The following CRTC1 variants were observed in gnomAD, a reference collection of about 807,000 sequenced individuals.
The protein encoded by CRTC1 is CREB-regulated transcription coactivator 1.
A neutral mutation model predicts 66.1 loss-of-function variants in CRTC1; 18 were observed. The observed-to-expected ratio is 0.27, with a 90% CI of 0.19 to 0.40. CRTC1 has a LOEUF of 0.40. CRTC1 is among the 10% of genes least tolerant of loss of function. The pLI is 1.00. For synonymous variants in CRTC1, 416 were observed against 398.8 expected (o/e 1.04, Z -0.51); for missense variants, 669 against 887.9 (o/e 0.75, Z 3.13).
At chr19:18,693,233 A>G (rs2052893468) in intron 1 of CRTC1, among the ~76,000 whole-genome samples, 1 of 151,730 alleles carries the variant, frequency 6.6e-6, no homozygotes, top group Non-Finnish European at 1.5e-5. Context: ...TACTAAAAAT[A>G]CAAAAATTAG....
At chr19:18,751,813 G>A (rs760099606) in intron 5 of CRTC1, among the ~76,000 whole-genome samples, 1 of 152,156 alleles carries the variant, frequency 6.6e-6, no homozygotes, top group Non-Finnish European at 1.5e-5. Context: ...CAGCCACTGG[G>A]TGTCAGCAGC....
At chr19:18,758,222 T>C (rs1444075581) in intron 6 of CRTC1, among the ~76,000 whole-genome samples, 1 of 150,642 alleles carries the variant, frequency 6.6e-6, no homozygotes, top group African/African-American at 2.4e-5. Context: ...TAGCCGGGCT[T>C]GGTGGCGGGC....
intron 6 of CRTC1, among the ~76,000 whole-genome samples, chr19:18,755,856 C>T (rs1395915222): frequency 6.6e-6 from 1 of 151,918 alleles, no homozygotes; most frequent in Admixed American, 6.6e-5. Context: ...TCTGCCTCAG[C>T]CTCCCAAAGT....
intron 6 of CRTC1, among the ~76,000 whole-genome samples, chr19:18,753,794 G>A (rs1022146065): frequency 6.6e-6 from 1 of 151,998 alleles, no homozygotes; most frequent in Admixed American, 6.6e-5. Flanking sequence ...CAACAGGCCG[G>A]AACTGCACAA....
intron 1 of CRTC1, among the ~76,000 whole-genome samples, chr19:18,737,724 C>T (rs1051534510): frequency 4.0e-5 from 6 of 151,722 alleles, no homozygotes; most frequent in African/African-American, 1.2e-4. Context: ...ACCAAGCTGC[C>T]GCCCTCCTGC....
At position 18,768,331 on chromosome 19, in the gene CRTC1, G is replaced by A. The variant is rs2054780962; in HGVS notation, c.1012-154G>A. Among the ~76,000 whole-genome samples, 2 of 152,182 alleles carry A rather than the reference G, an allele frequency of 1.3e-5. No homozygotes were observed. The highest frequency in any genetic ancestry group is 2.9e-5 in the Non-Finnish European group (2 of 68,004). ...GTGAGGCCCACCCTCTCTAGCCTGG[G>A]CTCCCTCATCGTGAGGAGCACCCAG... On this transcript the variant is annotated intron_variant, in intron 9 of 13. Transcript: ENST00000321949. The surrounding 1 kb of genome is among the most constrained non-coding windows in gnomAD (Gnocchi z 5.6).
chr19:18,688,426 TTTTG>T (rs567006329), intron 1 of CRTC1, among the ~76,000 whole-genome samples: 148 of 151,732 alleles, frequency 9.8e-4, no homozygotes, highest in African/African-American at 2.9e-3. Flanking sequence ...TCCCTGCTTG[TTTTG>T]TTTGTTTGTT....
At chr19:18,751,867 A>G (rs2054371266) in intron 5 of CRTC1, among the ~76,000 whole-genome samples, 1 of 152,148 alleles carries the variant, frequency 6.6e-6, no homozygotes, top group Non-Finnish European at 1.5e-5. Context: ...GGAACAGAAC[A>G]TGCAAGCTAG....
intron 13 of CRTC1, among the ~76,000 whole-genome samples, chr19:18,776,693 C>T (rs1427284178): frequency 6.6e-6 from 1 of 152,212 alleles, no homozygotes; most frequent in Non-Finnish European, 1.5e-5. Flanking sequence ...ATTTCTCAGA[C>T]CTGGAACCTG....
Position 18,683,687 on chromosome 19 carries a change from A to AGGG in CRTC1, c.-14_-13insGGG. On this transcript the variant is annotated 5_prime_UTR_variant, in exon 1 of 14. Transcript: ENST00000321949. Reference sequence around the variant, plus strand: ...GTGGAGGAGGAGGAGGAGGAGGAGGAGGTGGCGGCGAGAAGATGGCGACTT... The same window carrying AGGG: ...GTGGAGGAGGAGGAGGAGGAGGAGGAGGGGGTGGCGGCGAGAAGATGGCGACTT... The AGGG allele has an allele frequency of 7.4e-7, 1 of 1,360,210 alleles. No individual in the cohort carries two copies. 84.3% of individuals were successfully genotyped at this position (1,360,210 alleles called of 1,614,324 possible). A position where few individuals can be genotyped will look rare whatever the true frequency, so the allele number is the denominator to read the frequency against.
intron 4 of CRTC1, among the ~76,000 whole-genome samples, chr19:18,748,782 GAAA>G (rs2054302026): frequency 6.6e-6 from 1 of 150,440 alleles, no homozygotes; most frequent in African/African-American, 2.4e-5. Context: ...GTAAACGGAA[GAAA>G]AGTAAGCAAG....
At chr19:18,751,349 C>T (rs979088048) in intron 5 of CRTC1, among the ~76,000 whole-genome samples, 1 of 152,102 alleles carries the variant, frequency 6.6e-6, no homozygotes, top group South Asian at 2.1e-4. Flanking sequence ...TAGTGAGACT[C>T]TGTCTCTACC....
At chr19:18,726,715 C>G (rs2145654894) in intron 1 of CRTC1, among the ~76,000 whole-genome samples, 1 of 152,090 alleles carries the variant, frequency 6.6e-6, no homozygotes, top group East Asian at 1.9e-4. Flanking sequence ...ATCATGAGGT[C>G]AGGAGTTTGA....
At chr19:18,735,140 G>T (rs1446764290) in intron 1 of CRTC1, among the ~76,000 whole-genome samples, 2 of 152,216 alleles carry the variant, frequency 1.3e-5, no homozygotes, top group African/African-American at 4.8e-5. Flanking sequence ...TCAGACATGG[G>T]AAGTTCTATG....
intron 1 of CRTC1, among the ~76,000 whole-genome samples, chr19:18,725,464 C>T (rs1026792582): frequency 1.3e-5 from 2 of 152,128 alleles, no homozygotes; most frequent in African/African-American, 4.8e-5. Context: ...TAGGAGGCCT[C>T]GGCCACCCTC....
chr19:18,771,659 C>G lies in CRTC1; in HGVS notation c.1425+113C>G. On this transcript the variant is annotated intron_variant, in intron 11 of 13. Coordinates refer to ENST00000321949, the MANE Select transcript of CRTC1 (RefSeq NM_015321.3). This position sits in a 1 kb window ranked among gnomAD's most constrained non-coding sequence, Gnocchi z 4.6. The stretch of plus-strand genomic sequence containing the variant: ...ATGCATCGCTCCTCATGCATGTCCT[C>G]ATGCATCCCATCCCGTCCACGCCAT... The G allele has an allele frequency of 1.3e-6, 1 of 799,450 alleles. No homozygotes were observed. Among genetic ancestry groups the G allele is most frequent in the East Asian group, 2.7e-5 (1 of 36,890 alleles). 49.5% of individuals were successfully genotyped at this position (799,450 alleles called of 1,614,324 possible).
At chr19:18,705,550 C>A (rs1047374663) in intron 1 of CRTC1, among the ~76,000 whole-genome samples, 1 of 152,162 alleles carries the variant, frequency 6.6e-6, no homozygotes, top group African/African-American at 2.4e-5. Flanking sequence ...AACTCCTGAC[C>A]TCAGATGATC....
intron 6 of CRTC1, among the ~76,000 whole-genome samples, chr19:18,754,307 G>A (rs2054437797): frequency 6.6e-6 from 1 of 152,142 alleles, no homozygotes; most frequent in African/African-American, 2.4e-5. Flanking sequence ...GATTACTTGA[G>A]CTCAGGAGTT....
intron 1 of CRTC1, among the ~76,000 whole-genome samples, chr19:18,729,499 C>A (rs1415976157): frequency 6.6e-6 from 1 of 151,268 alleles, no homozygotes; most frequent in African/African-American, 2.4e-5. Flanking sequence ...AATCCTAGCA[C>A]TGTGGGAGGC....
Sources: gnomAD v4.1 joint callset for allele counts (sites outside exome capture counted in the v4.1 genomes callset) on GRCh38, gnomAD v4.1.1 for gene constraint, Gnocchi (gnomAD v3.1) non-coding constraint, MANE v1.5 for transcripts, NCBI Gene and HGNC (gene_info 2026-07-23, HGNC 2026-07-21) for gene names.